Variants in TMTC2 observed in about 807,000 individuals in gnomAD.
The protein encoded by TMTC2 is transmembrane O-mannosyltransferase targeting cadherins 2, also known as protein O-mannosyl-transferase TMTC2.
A neutral mutation model predicts 82.4 loss-of-function variants in TMTC2; 43 were observed. The ratio of observed to expected loss-of-function variants is 0.52; its 90% CI spans 0.41 to 0.67. The LOEUF is 0.67. Among genes scored for constraint, TMTC2 ranks in the 30% least tolerant of loss-of-function variants. TMTC2 has a pLI of 0.00. For synonymous variants in TMTC2, 408 were observed against 381.9 expected (o/e 1.07, Z -0.80); for missense variants, 919 against 1,012.4 (o/e 0.91, Z 1.25).
chr12:82,992,233 C>G (rs1270649791), intron 8 of TMTC2, among the ~76,000 whole-genome samples: 1 of 152,068 alleles, frequency 6.6e-6, no homozygotes, highest in East Asian at 1.9e-4. Flanking sequence ...TTCCATGGGC[C>G]TTTTGCTATT....
intron 1 of TMTC2, among the ~76,000 whole-genome samples, chr12:82,815,439 T>A (rs1317166460): frequency 6.6e-6 from 1 of 151,666 alleles, no homozygotes; most frequent in Non-Finnish European, 1.5e-5. Flanking sequence ...GCCTCCTGAG[T>A]AGCTGGGACT....
At chr12:82,873,949 C>T (rs1007756837) in intron 2 of TMTC2, among the ~76,000 whole-genome samples, 1 of 152,150 alleles carries the variant, frequency 6.6e-6, no homozygotes, top group East Asian at 1.9e-4. Context: ...GAGGCAAATT[C>T]ACTACTGAAC....
At chr12:82,830,798 A>G (rs1869705718) in intron 1 of TMTC2, among the ~76,000 whole-genome samples, 1 of 152,206 alleles carries the variant, frequency 6.6e-6, no homozygotes, top group African/African-American at 2.4e-5. Flanking sequence ...TTAGAAACCT[A>G]TTGAATAAAA....
At chr12:82,923,671 A>C (rs1433239986) in intron 3 of TMTC2, among the ~76,000 whole-genome samples, 1 of 152,190 alleles carries the variant, frequency 6.6e-6, no homozygotes, top group Non-Finnish European at 1.5e-5. Context: ...ATGGTATAAA[A>C]ATCAGTTCTC....
intron 2 of TMTC2, among the ~76,000 whole-genome samples, chr12:82,877,797 C>T (rs923126256): frequency 1.9e-4 from 29 of 152,042 alleles, no homozygotes; most frequent in Middle Eastern, 3.2e-3. Context: ...AAATGTTTTC[C>T]CATTGTTTTA....
At chr12:82,835,583 C>A (rs1869990049) in intron 1 of TMTC2, among the ~76,000 whole-genome samples, 1 of 152,122 alleles carries the variant, frequency 6.6e-6, no homozygotes, top group Admixed American at 6.5e-5. Context: ...CCCTGTTAAC[C>A]TAATCATTCC....
At chr12:82,812,869 A>G (rs934514528) in intron 1 of TMTC2, among the ~76,000 whole-genome samples, 3 of 152,156 alleles carry the variant, frequency 2.0e-5, no homozygotes, top group Middle Eastern at 3.4e-3. Context: ...AATTTTTAAA[A>G]ATCATAAAAT....
chr12:82,872,339 A>G (rs1043220299), intron 2 of TMTC2, among the ~76,000 whole-genome samples: 2 of 152,154 alleles, frequency 1.3e-5, no homozygotes, highest in Non-Finnish European at 2.9e-5. Flanking sequence ...TATACCCTGG[A>G]GGTTGGTCTT....
chr12:82,956,611 G>A (rs1351932769), intron 4 of TMTC2, among the ~76,000 whole-genome samples: 1 of 152,006 alleles, frequency 6.6e-6, no homozygotes, highest in Non-Finnish European at 1.5e-5. Context: ...CCACGACCAT[G>A]TCTGGCTAAT....
chr12:83,014,825 C>T (rs1184269549), intron 8 of TMTC2, among the ~76,000 whole-genome samples: 1 of 151,986 alleles, frequency 6.6e-6, no homozygotes, highest in Admixed American at 6.6e-5. Context: ...TACTGCTATC[C>T]CTATAACACA....
At chr12:83,107,631 A>G (rs1884456094) in intron 11 of TMTC2, among the ~76,000 whole-genome samples, 1 of 152,220 alleles carries the variant, frequency 6.6e-6, no homozygotes, top group Non-Finnish European at 1.5e-5. Context: ...AACCCATAGC[A>G]ACAGTTGTGT....
chr12:82,737,199 C>T (rs1472206960), intron 1 of TMTC2, among the ~76,000 whole-genome samples: 1 of 152,144 alleles, frequency 6.6e-6, no homozygotes, highest in African/African-American at 2.4e-5. Context: ...TGTTTAAACT[C>T]TTTATCTTCA....
chr12:82,816,917 T>G (rs887077852), intron 1 of TMTC2, among the ~76,000 whole-genome samples: 3 of 151,952 alleles, frequency 2.0e-5, no homozygotes, highest in African/African-American at 7.2e-5. Flanking sequence ...TATAGCACAG[T>G]ATATGAACAT....
At chr12:82,721,392 A>T (rs1283289295) in intron 1 of TMTC2, among the ~76,000 whole-genome samples, 1 of 152,212 alleles carries the variant, frequency 6.6e-6, no homozygotes. Context: ...TGCCCTTATA[A>T]TAGTTTAAAT....
intron 1 of TMTC2, among the ~76,000 whole-genome samples, chr12:82,731,425 C>T (rs550607136): frequency 2.0e-4 from 31 of 152,178 alleles, no homozygotes; most frequent in Admixed American, 3.3e-4. Context: ...GTAATATGTT[C>T]AGTAAGTAGA....
In TMTC2 at chr12:82,965,116, A is replaced by G; in HGVS notation, c.1684+7A>G. ...AGCAGGCCTACCCTGGCTTGTAAGTAATACTCAAGTGTTTATTTTTTTATA... is the reference window on the plus strand; with the variant it reads ...AGCAGGCCTACCCTGGCTTGTAAGTGATACTCAAGTGTTTATTTTTTTATA... On this transcript the variant is annotated splice_region_variant and intron_variant, in intron 5 of 11. Transcript: ENST00000321196. The G allele has an allele frequency of 1.3e-6, 2 of 1,591,778 alleles. No homozygotes were observed. The highest frequency in any genetic ancestry group is 1.3e-5 in the African/African-American group (1 of 74,242).
chr12:82,923,325 T>A (rs1277327707), intron 3 of TMTC2, among the ~76,000 whole-genome samples: 1 of 152,198 alleles, frequency 6.6e-6, no homozygotes, highest in Non-Finnish European at 1.5e-5. Flanking sequence ...TTGCCTATTT[T>A]TCCTCTATTG....
intron 11 of TMTC2, among the ~76,000 whole-genome samples, chr12:83,070,446 T>G (rs558271387): frequency 6.6e-6 from 1 of 152,186 alleles, no homozygotes; most frequent in African/African-American, 2.4e-5. Context: ...TTTTTTTTTT[T>G]GCAGCTATTG....
intron 1 of TMTC2, among the ~76,000 whole-genome samples, chr12:82,789,675 G>A (rs922019883): frequency 6.6e-6 from 1 of 152,156 alleles, no homozygotes; most frequent in East Asian, 1.9e-4. Flanking sequence ...AGAAACTTGT[G>A]TTATTAATAC....
Sources: gnomAD v4.1 joint callset for allele counts (sites outside exome capture counted in the v4.1 genomes callset) on GRCh38, gnomAD v4.1.1 for gene constraint, MANE v1.5 for transcripts, NCBI Gene and HGNC (gene_info 2026-07-23, HGNC 2026-07-21) for gene names.